Variants in CDH18 observed in about 807,000 individuals in gnomAD.
The protein encoded by CDH18 is cadherin-18.
In CDH18, 31 loss-of-function variants were observed where a neutral mutation model predicts 67.9. The observed-to-expected ratio is 0.46, with a 90% CI of 0.34 to 0.62. CDH18 has a LOEUF of 0.62. Ranked by LOEUF, CDH18 falls within the 20% of genes least tolerant of loss-of-function variation. CDH18 has a pLI of 0.01. For synonymous variants in CDH18, 362 were observed against 347.2 expected, an observed-to-expected ratio of 1.04 and a Z score of -0.48; for missense variants, 890 against 975.5, an observed-to-expected ratio of 0.91 and a Z score of 1.17.
rs573431361 is a variant in CDH18 at position 20,548,543 on chromosome 5, G to T, written c.-580+26919C>A. 2.6e-5 allele frequency among the ~76,000 whole-genome samples: 4 copies of T among 151,760 alleles called. No individual in the cohort carries two copies. The East Asian group carries it at 5.8e-4, about 22-fold the overall frequency. ...ACTTTCATGACAGTAAGGTAAATTG[G>T]TTTATCTGTTTATTTTAACAATGCT... On this transcript the variant is annotated intron_variant, in intron 1 of 14. Transcript: ENST00000507958.
Position 20,500,489 on chromosome 5 carries a change from T to C in CDH18, c.-580+74973A>G, listed in dbSNP as rs7735642. On this transcript the variant is annotated intron_variant, in intron 1 of 14. Coordinates refer to the CDH18 transcript ENST00000507958. ...GGCACCTGGGGAATTGAACAACTCATCTCGCCTCTAAATTATTGTGAACAT... is the reference window on the plus strand; with the variant it reads ...GGCACCTGGGGAATTGAACAACTCACCTCGCCTCTAAATTATTGTGAACAT... 9.4e-3 allele frequency among the ~76,000 whole-genome samples: 1,425 copies of C among 152,244 alleles called. 23 individuals carry two copies. The highest frequency in any genetic ancestry group is 0.033 in the African/African-American group (1,356 of 41,548).
At chr5:19,871,277 T>G (rs1786248998) in intron 2 of CDH18, among the ~76,000 whole-genome samples, 1 of 152,200 alleles carries the variant, frequency 6.6e-6, no homozygotes, top group Non-Finnish European at 1.5e-5. Context: ...ACTCACCAAA[T>G]ATTAAAATAG....
chr5:19,484,680 C>T (rs954338131), intron 11 of CDH18, among the ~76,000 whole-genome samples: 2 of 152,220 alleles, frequency 1.3e-5, no homozygotes, highest in African/African-American at 4.8e-5. Flanking sequence ...ACTGACAATA[C>T]TGATGGACAA....
intron 2 of CDH18, among the ~76,000 whole-genome samples, chr5:20,175,391 T>A (rs981528601): frequency 6.6e-6 from 1 of 152,128 alleles, no homozygotes; most frequent in Non-Finnish European, 1.5e-5. Context: ...AAGTAAAGTT[T>A]CTTGTGGTTG....
chr5:19,837,373 A>G (rs112228009), intron 3 of CDH18, among the ~76,000 whole-genome samples: 6,873 of 152,164 alleles, frequency 0.045, 217 homozygotes, highest in Non-Finnish European at 0.063. Context: ...AAACCTGCAT[A>G]TTCTGCACAT....
chr5:19,577,761 G>A (rs1742558772), intron 7 of CDH18, among the ~76,000 whole-genome samples: 2 of 152,312 alleles, frequency 1.3e-5, no homozygotes, highest in East Asian at 1.9e-4. Context: ...CATGGCTTTC[G>A]TGGAGACAGG....
At chr5:19,730,297 C>T (rs1767419318) in intron 4 of CDH18, among the ~76,000 whole-genome samples, 1 of 152,190 alleles carries the variant, frequency 6.6e-6, no homozygotes, top group Admixed American at 6.5e-5. Context: ...TCTGCTAGAA[C>T]TTTGATTGAC....
chr5:19,515,100 G>A (rs926207265), intron 10 of CDH18, among the ~76,000 whole-genome samples: 2 of 152,166 alleles, frequency 1.3e-5, no homozygotes, highest in African/African-American at 4.8e-5. Flanking sequence ...TTATTAAACA[G>A]GGAATCATTT....
intron 1 of CDH18, among the ~76,000 whole-genome samples, chr5:20,488,673 T>A (rs922473719): frequency 2.4e-5 from 3 of 126,976 alleles, no homozygotes; most frequent in East Asian, 4.9e-4. Context: ...GGGTAGTGTT[T>A]TATATATATA....
intron 11 of CDH18, among the ~76,000 whole-genome samples, chr5:19,494,906 G>C (rs531169554): frequency 2.6e-5 from 4 of 152,160 alleles, no homozygotes; most frequent in African/African-American, 7.2e-5. Flanking sequence ...GTTGGAAATC[G>C]ATTCTTAGGC....
chr5:19,704,562 G>A lies in CDH18; in HGVS notation c.643+16785C>T, dbSNP rs535206092. Among the ~76,000 whole-genome samples, 19 of 152,198 alleles carry A rather than the reference G, an allele frequency of 1.2e-4. No homozygotes were observed. The South Asian group carries it at 3.3e-3, about 27-fold the overall frequency. ...AAATTGCAAGATTTGAAGGAATTGC[G>A]TCAAGCAGAAAGACAAAGTTCCCGC... is the stretch of plus-strand genomic sequence containing the variant. On this transcript the variant is annotated intron_variant, in intron 5 of 12. Coordinates refer to ENST00000382275, the MANE Select transcript of CDH18 (RefSeq NM_004934.5).
chr5:20,558,460 T>C (rs959307597), intron 1 of CDH18, among the ~76,000 whole-genome samples: 2 of 152,016 alleles, frequency 1.3e-5, no homozygotes, highest in African/African-American at 4.8e-5. Flanking sequence ...GAGTGAAATA[T>C]AGAAATTACA....
intron 6 of CDH18, among the ~76,000 whole-genome samples, chr5:19,602,908 T>G (rs1401510245): frequency 2.0e-5 from 3 of 152,000 alleles, no homozygotes; most frequent in Admixed American, 1.3e-4. Context: ...GAGGGTGCAG[T>G]GAGCCAAGAT....
chr5:19,896,685 A>C (rs1465067640), intron 2 of CDH18, among the ~76,000 whole-genome samples: 1 of 152,234 alleles, frequency 6.6e-6, no homozygotes, highest in Non-Finnish European at 1.5e-5. Context: ...GAATTGACGG[A>C]AATCTGTTAC....
intron 2 of CDH18, among the ~76,000 whole-genome samples, chr5:20,177,288 T>C (rs190737382): frequency 1.8e-4 from 28 of 152,216 alleles, no homozygotes; most frequent in Non-Finnish European, 3.4e-4. Context: ...CTGGGCATAA[T>C]ATAGATAGCC....
intron 2 of CDH18, among the ~76,000 whole-genome samples, chr5:20,146,594 AT>A (rs2126547020): frequency 6.8e-6 from 1 of 146,092 alleles, no homozygotes; most frequent in African/African-American, 2.5e-5. Flanking sequence ...ATGGCAAATC[AT>A]AAGTACTGAA....
At chr5:20,216,040 T>G (rs763119620) in intron 2 of CDH18, among the ~76,000 whole-genome samples, 1 of 152,018 alleles carries the variant, frequency 6.6e-6, no homozygotes, top group Non-Finnish European at 1.5e-5. Context: ...GCTTAATACC[T>G]GGGTGATTAA....
intron 1 of CDH18, among the ~76,000 whole-genome samples, chr5:20,460,702 T>G (rs767459423): frequency 3.9e-5 from 6 of 152,194 alleles, no homozygotes; most frequent in Non-Finnish European, 8.8e-5. Flanking sequence ...CTGCTATGGA[T>G]GAACTCTGTT....
chr5:20,518,575 T>C (rs140294468), intron 1 of CDH18, among the ~76,000 whole-genome samples: 1,545 of 152,284 alleles, frequency 0.01, 19 homozygotes, highest in Non-Finnish European at 0.015. Flanking sequence ...TTCAATGGAC[T>C]AAGCATTTTG....
Sources: allele counts gnomAD v4.1 joint callset (sites outside exome capture counted in the v4.1 genomes callset), GRCh38; gene constraint gnomAD v4.1.1; transcripts MANE v1.5; gene names NCBI Gene and HGNC (gene_info 2026-07-23, HGNC 2026-07-21).